Variants in KIF1A observed in about 807,000 individuals in gnomAD.
KIF1A encodes the protein kinesin-like protein KIF1A.
Under a neutral mutation model 227.3 loss-of-function variants are expected in KIF1A, and 46 were observed. The observed-to-expected ratio is 0.20, with a 90% CI of 0.16 to 0.26. The LOEUF (loss-of-function observed/expected upper bound fraction) is 0.26, where lower values mean the gene tolerates loss of function less well. Among genes scored for constraint, KIF1A ranks in the 10% least tolerant of loss-of-function variants. KIF1A has a pLI of 1.00. For missense variants in KIF1A, 1,683 were observed against 2,485.9 expected (o/e 0.68, Z 6.87); for synonymous variants, 1,022 against 1,012.8 (o/e 1.01, Z -0.17).
intron 1 of KIF1A, among the ~76,000 whole-genome samples, chr2:240,813,365 GC>G (rs1280979501): frequency 1.3e-5 from 2 of 152,208 alleles, no homozygotes; most frequent in East Asian, 3.9e-4. Flanking sequence ...AGCCCTGAGT[GC>G]CGCTTGCAGA....
At chr2:240,729,038 T>C (rs1419044468) in intron 38 of KIF1A, among the ~76,000 whole-genome samples, 2 of 152,164 alleles carry the variant, frequency 1.3e-5, no homozygotes, top group African/African-American at 4.8e-5. Context: ...CACGTCAGCA[T>C]CGCTGTCTGG....
Position 240,778,280 on chromosome 2 carries a change from G to A in KIF1A, c.883-2354C>T, listed in dbSNP as rs1164282083. ...TGGAGTTCTTTACACAGTTCCACGCGATCCTCACCTAGGTCTCTACATAGG... is the reference window on the plus strand; with the variant it reads ...TGGAGTTCTTTACACAGTTCCACGCAATCCTCACCTAGGTCTCTACATAGG... On this transcript the variant is annotated intron_variant, in intron 10 of 48. Coordinates refer to ENST00000498729, the MANE Select transcript of KIF1A (RefSeq NM_001244008.2). The surrounding 1 kb of genome is among the most constrained non-coding windows in gnomAD (Gnocchi z 7.2). 3.9e-5 allele frequency among the ~76,000 whole-genome samples: 6 copies of A among 151,926 alleles called. No homozygotes were observed. The highest frequency in any genetic ancestry group is 2.1e-4 in the South Asian group (1 of 4,818).
Position 240,716,245 on chromosome 2 carries a change from A to G in KIF1A, c.*1119T>C, listed in dbSNP as rs1055573407. Reference sequence around the variant, plus strand: ...ACTCACAGAAACTCTCTGCCCTGGGAACAAAGAGAGGAAAGTCTTTGCAAG... The same window carrying G: ...ACTCACAGAAACTCTCTGCCCTGGGGACAAAGAGAGGAAAGTCTTTGCAAG... On this transcript the variant is annotated 3_prime_UTR_variant, in exon 49 of 49. Transcript: ENST00000498729. The G allele has an allele frequency of 6.6e-6, 1 of 152,210 alleles. No individual in the cohort carries two copies. Among genetic ancestry groups the G allele is most frequent in the Non-Finnish European group, 1.5e-5 (1 of 67,986 alleles). 9.4% of individuals were successfully genotyped at this position (152,210 alleles called of 1,614,324 possible).
intron 7 of KIF1A, among the ~76,000 whole-genome samples, chr2:240,784,697 G>GT (rs2054486929): frequency 6.6e-6 from 1 of 152,170 alleles, no homozygotes. Context: ...GAGAGGCTGG[G>GT]TGCCCTCCTG....
chr2:240,798,490 C>T (rs1054939608), intron 1 of KIF1A, among the ~76,000 whole-genome samples: 1 of 152,224 alleles, frequency 6.6e-6, no homozygotes, highest in African/African-American at 2.4e-5. Context: ...GAATTCGGTA[C>T]AAGCCAGGGC....
chr2:240,745,878 G>T lies in KIF1A; in HGVS notation c.3234C>A (p.Ser1078Arg), dbSNP rs553976598. The T allele has an allele frequency of 5.3e-5, 86 of 1,611,308 alleles. No individual in the cohort carries two copies. In the Admixed American group the frequency reaches 6.5e-4, roughly 12 times the overall value. ...GCCCATCCAGGGCGGCTTTCTCAGA[G>T]CTGTCTAGGAGGAGGCCTTCTGGGG... ...AVPPEGLLLDSSEKAALDGPL... is the reference protein window; with the variant it reads ...AVPPEGLLLDRSEKAALDGPL... Residue 1078 changes from serine to arginine, a missense_variant, in exon 31 of 49, where the codon AGC (serine) becomes AGA (arginine). Transcript: ENST00000498729.
intron 1 of KIF1A, among the ~76,000 whole-genome samples, chr2:240,811,368 AAAAAGAAAAGAAG>A (rs1264753981): frequency 6.6e-6 from 1 of 152,042 alleles, no homozygotes; most frequent in African/African-American, 2.4e-5. Context: ...CCATCTCAAA[AAAAAGAAAAGAAG>A]AAAAGAAAAG....
rs2125793857 is a variant in KIF1A, at chr2:240,746,148, C to T, written c.3093G>A (p.Gly1031=). 1.9e-6 allele frequency: 3 copies of T among 1,567,568 alleles called. No individual in the cohort carries two copies. Among genetic ancestry groups the T allele is most frequent in the Non-Finnish European group, 2.6e-6 (3 of 1,156,774 alleles). Residue 1031 remains glycine, a synonymous_variant, in exon 30 of 49, where the codon GGG becomes GGA. Transcript: ENST00000498729. The part of the protein sequence containing the change: ...KFQSESCPVV[G]MSRSGTSQEE... The stretch of plus-strand genomic sequence containing the variant: ...CCTGGGAGGTTCCCGAGCGGGACAT[C>T]CCCACCACGGGGCAAGACTCGGACT...
chr2:240,767,446 GGGTCCC>G, intron 17 of KIF1A, 101 bp from the exon 18 acceptor site: 1 of 974,366 alleles, frequency 1.0e-6, no homozygotes, highest in South Asian at 1.4e-5. Context: ...ACTACCACCA[GGGTCCC>G]TGCCCCCGCA....
At position 240,793,896 on chromosome 2, in the gene KIF1A, C is replaced by T. The variant is rs2056058413; in HGVS notation, c.106+3751G>A. On this transcript the variant is annotated intron_variant, in intron 2 of 48. Coordinates refer to ENST00000498729, the MANE Select transcript of KIF1A (RefSeq NM_001244008.2). This position sits in a 1 kb window ranked among gnomAD's most constrained non-coding sequence, Gnocchi z 4.8. ...GGCCAGGTCACTTCCCCACGACATC[C>T]TCTGAGGGGCCCCGCACAGTCCCCG... is the stretch of plus-strand genomic sequence containing the variant. Among the ~76,000 whole-genome samples the T allele has an allele frequency of 1.3e-5, 2 of 152,196 alleles. No individual in the cohort carries two copies. The highest frequency in any genetic ancestry group is 2.4e-5 in the African/African-American group (1 of 41,448).
In KIF1A at chr2:240,767,301, C is replaced by T. The variant is rs2125927206; in HGVS notation, c.1542G>A (p.Glu514=). The T allele has an allele frequency of 6.2e-7, 1 of 1,613,782 alleles. No homozygotes were observed. Among genetic ancestry groups the T allele is most frequent in the South Asian group, 1.1e-5 (1 of 91,058 alleles). Residue 514 remains glutamate (E), a synonymous_variant, in exon 18 of 49, where the codon GAG becomes GAA. Transcript: ENST00000498729. ...CATCCTTGATGTAGTAGAGCAGGCA[C>T]TCAGACATCAGCGGGTCCTCGTTCA... ...VNLNEDPLMS[E]CLLYYIKDGI...
At chr2:240,749,674 T>C (rs1026131351) in intron 28 of KIF1A, among the ~76,000 whole-genome samples, 1 of 151,926 alleles carries the variant, frequency 6.6e-6, no homozygotes, top group Admixed American at 6.6e-5. Context: ...CAAGTACCCT[T>C]CAACATTCCT....
chr2:240,782,274 G>A (rs975017231), intron 10 of KIF1A: 2 of 881,326 alleles, frequency 2.3e-6, no homozygotes, highest in Non-Finnish European at 1.4e-6. Context: ...TGTCCGAGGG[G>A]CTCCTCCGCG....
intron 34 of KIF1A, 40 bp downstream of exon 34, chr2:240,742,889 G>A: frequency 1.3e-6 from 2 of 1,547,318 alleles, no homozygotes; most frequent in Non-Finnish European, 8.9e-7. Flanking sequence ...ACAGTGAGGG[G>A]AGCTCACTGC....
intron 1 of KIF1A, among the ~76,000 whole-genome samples, chr2:240,800,115 C>CAT (rs145245222): frequency 0.023 from 3,479 of 148,616 alleles, 47 homozygotes; most frequent in African/African-American, 0.047. Flanking sequence ...GACACACACA[C>CAT]ACACACACAC....
Position 240,783,434 on chromosome 2 carries a change from G to A in KIF1A, c.798+305C>T, listed in dbSNP as rs1293519253. Among the ~76,000 whole-genome samples, 9 of 152,316 alleles carry A rather than the reference G, an allele frequency of 5.9e-5. No homozygotes were observed. The South Asian group carries it at 1.9e-3, about 32-fold the overall frequency. On this transcript the variant is annotated intron_variant, in intron 8 of 48. Coordinates refer to ENST00000498729, the MANE Select transcript of KIF1A (RefSeq NM_001244008.2). ...AGGAAACACACTCCTTCCCGACCCCGGCACTGCTTCCCGGGTGGTGCCCCA... is the reference window on the plus strand; with the variant it reads ...AGGAAACACACTCCTTCCCGACCCCAGCACTGCTTCCCGGGTGGTGCCCCA...
chr2:240,756,357 C>T (rs1225903088), intron 27 of KIF1A, among the ~76,000 whole-genome samples: 3 of 152,238 alleles, frequency 2.0e-5, no homozygotes, highest in Non-Finnish European at 4.4e-5. Flanking sequence ...CTTCTGACTA[C>T]TACAGCCAGG....
intron 43 of KIF1A, 124 bp from the exon 44 acceptor site, chr2:240,722,008 G>T (rs2045452835): frequency 1.4e-6 from 1 of 731,022 alleles, no homozygotes; most frequent in Non-Finnish European, 2.3e-6. Context: ...GAGCACAGTG[G>T]GTCAAGGTGG....
In KIF1A at chr2:240,769,534, C is replaced by T. The variant is rs188437776; in HGVS notation, c.1421+93G>A. Reference sequence around the variant, plus strand: ...GCCACCCCATGGTGCAGGTGCCCAGCACTGGAGGGCAGGGCTCAGTGCTCA... The same window carrying T: ...GCCACCCCATGGTGCAGGTGCCCAGTACTGGAGGGCAGGGCTCAGTGCTCA... On this transcript the variant is annotated intron_variant, in intron 16 of 48. Coordinates refer to ENST00000498729, the MANE Select transcript of KIF1A (RefSeq NM_001244008.2). 158 of 1,057,670 alleles carry T rather than the reference C, an allele frequency of 1.5e-4. 2 individuals carry two copies. Among genetic ancestry groups the T allele is most frequent in the Middle Eastern group, 1.0e-3 (4 of 3,818 alleles). The allele number at this position is 1,057,670 out of a possible 1,614,324, so 65.5% of individuals were successfully genotyped here. A position where few individuals can be genotyped will look rare whatever the true frequency, so the allele number is the denominator to read the frequency against.
Sources: gnomAD v4.1 joint callset for allele counts (sites outside exome capture counted in the v4.1 genomes callset) on GRCh38, gnomAD v4.1.1 for gene constraint, Gnocchi (gnomAD v3.1) non-coding constraint, MANE v1.5 for transcripts, NCBI Gene and HGNC (gene_info 2026-07-23, HGNC 2026-07-21) for gene names.